The following DAB1 variants were observed in gnomAD, a reference collection of about 807,000 sequenced individuals.
DAB1 encodes the protein disabled homolog 1.
In DAB1, 15 loss-of-function variants were observed where a neutral mutation model predicts 64.6. The observed-to-expected ratio is 0.23, with a 90% CI of 0.16 to 0.36. The LOEUF (loss-of-function observed/expected upper bound fraction) is 0.36. Ranked by LOEUF, DAB1 falls within the 10% of genes least tolerant of loss-of-function variation. The probability of loss-of-function intolerance (pLI) is 1.00; values close to 1 mark genes in which losing one functional copy is unlikely to be tolerated. For synonymous variants in DAB1, 235 were observed against 251.9 expected, an observed-to-expected ratio of 0.93 and a Z score of 0.64; for missense variants, 596 against 706.7, an observed-to-expected ratio of 0.84 and a Z score of 1.78.
At chr1:57,111,995 TCTGC>T (rs1655703525) in intron 4 of DAB1, among the ~76,000 whole-genome samples, 1 of 152,214 alleles carries the variant, frequency 6.6e-6, no homozygotes, top group Non-Finnish European at 1.5e-5. Flanking sequence ...AGTTTCAATG[TCTGC>T]CAAATAAGAA....
At chr1:58,309,775 C>G (rs1662386783) in intron 4 of DAB1, among the ~76,000 whole-genome samples, 1 of 152,028 alleles carries the variant, frequency 6.6e-6, no homozygotes, top group African/African-American at 2.4e-5. Context: ...TTAATAAATG[C>G]TCTAAGCATT....
At chr1:57,720,204 C>CT (rs2101757316) in intron 6 of DAB1, among the ~76,000 whole-genome samples, 1 of 152,348 alleles carries the variant, frequency 6.6e-6, no homozygotes, top group African/African-American at 2.4e-5. Flanking sequence ...CTCCGATGCA[C>CT]TGCACACCAT....
chr1:57,762,266 C>T (rs1649120612), intron 6 of DAB1, among the ~76,000 whole-genome samples: 1 of 151,458 alleles, frequency 6.6e-6, no homozygotes, highest in African/African-American at 2.4e-5. Context: ...AGGCCTGCGT[C>T]CCTTCCAAAA....
At chr1:57,396,204 A>G (rs1196595011) in intron 1 of DAB1, among the ~76,000 whole-genome samples, 2 of 152,186 alleles carry the variant, frequency 1.3e-5, no homozygotes, top group African/African-American at 4.8e-5. Context: ...CACCGAACAC[A>G]TAAAAGGTTT....
At chr1:58,167,346 C>T (rs1179086048) in intron 4 of DAB1, among the ~76,000 whole-genome samples, 1 of 151,924 alleles carries the variant, frequency 6.6e-6, no homozygotes, top group Non-Finnish European at 1.5e-5. Context: ...ATTGTAAATG[C>T]ACCAATCAGC....
chr1:58,145,482 G>A (rs772008283), intron 5 of DAB1, among the ~76,000 whole-genome samples: 9 of 152,216 alleles, frequency 5.9e-5, no homozygotes, highest in Non-Finnish European at 8.8e-5. Context: ...AGAGCACATC[G>A]TCTGGCCCAC....
At chr1:57,122,149 T>C (rs183994875) in intron 4 of DAB1, among the ~76,000 whole-genome samples, 95 of 152,254 alleles carry the variant, frequency 6.2e-4, no homozygotes, top group African/African-American at 2.2e-3. Flanking sequence ...ATGTGTGAAT[T>C]TGAAGAGAGG....
intron 7 of DAB1, among the ~76,000 whole-genome samples, chr1:57,524,865 T>C (rs2101394721): frequency 6.6e-6 from 1 of 151,778 alleles, no homozygotes; most frequent in African/African-American, 2.4e-5. Flanking sequence ...AAAAACAAAA[T>C]AAACAAACAA....
chr1:58,119,217 T>G (rs1246588306), intron 5 of DAB1, among the ~76,000 whole-genome samples: 1 of 77,432 alleles, frequency 1.3e-5, no homozygotes, highest in Non-Finnish European at 2.7e-5. Context: ...AAATATTGTG[T>G]GTGTGTGCGT....
intron 4 of DAB1, among the ~76,000 whole-genome samples, chr1:57,093,642 T>A (rs1653890154): frequency 6.6e-6 from 1 of 152,214 alleles, no homozygotes; most frequent in South Asian, 2.1e-4. Flanking sequence ...TGATGGTGTG[T>A]GAATTCCAGT....
intron 6 of DAB1, among the ~76,000 whole-genome samples, chr1:57,697,662 C>G (rs562390177): frequency 5.3e-5 from 8 of 152,020 alleles, no homozygotes; most frequent in African/African-American, 1.9e-4. Flanking sequence ...TTATGAAATG[C>G]CTTCAGTTTT....
chr1:58,077,154 A>G (rs1649705540), intron 5 of DAB1, among the ~76,000 whole-genome samples: 2 of 152,238 alleles, frequency 1.3e-5, no homozygotes, highest in African/African-American at 4.8e-5. Context: ...AATAACAATG[A>G]TAATGATAAT....
At chr1:57,427,473 G>C (rs1685333679), upstream of DAB1, among the ~76,000 whole-genome samples, 1 of 152,176 alleles carries the variant, frequency 6.6e-6, no homozygotes, top group Non-Finnish European at 1.5e-5. Context: ...ACTCAAAGGA[G>C]CAGCCTATGT....
chr1:57,138,799 T>C (rs1045187315), intron 3 of DAB1, among the ~76,000 whole-genome samples: 13 of 152,182 alleles, frequency 8.5e-5, no homozygotes, highest in Non-Finnish European at 1.8e-4. Context: ...TCTCCTTTGT[T>C]TTTCCTGCTT....
At chr1:57,901,525 C>T (rs1053318107) in intron 5 of DAB1, among the ~76,000 whole-genome samples, 18 of 152,114 alleles carry the variant, frequency 1.2e-4, no homozygotes, top group Non-Finnish European at 4.4e-5. Context: ...ATAATAGCCC[C>T]TCTCACTGCT....
At chr1:57,114,350 T>C (rs1214696039) in intron 4 of DAB1, among the ~76,000 whole-genome samples, 1 of 152,196 alleles carries the variant, frequency 6.6e-6, no homozygotes, top group Non-Finnish European at 1.5e-5. Flanking sequence ...GTTCAGTTAC[T>C]ATAATTTAAT....
chr1:57,161,390 C>G (rs2100886001), intron 2 of DAB1, among the ~76,000 whole-genome samples: 1 of 152,278 alleles, frequency 6.6e-6, no homozygotes, highest in East Asian at 1.9e-4. Flanking sequence ...TGTTTGCCAG[C>G]CATCCTGGGC....
At chr1:57,969,281 T>C (rs1021858475) in intron 5 of DAB1, among the ~76,000 whole-genome samples, 4 of 152,160 alleles carry the variant, frequency 2.6e-5, no homozygotes, top group Admixed American at 2.0e-4. Flanking sequence ...TTTACACTTT[T>C]CAAATGTACT....
intron 6 of DAB1, among the ~76,000 whole-genome samples, chr1:57,770,650 G>A (rs1649518006): frequency 6.6e-6 from 1 of 152,038 alleles, no homozygotes; most frequent in Admixed American, 6.6e-5. Flanking sequence ...TCAAAAATCA[G>A]TTCAGGAATT....
Sources: gnomAD v4.1 joint callset for allele counts (sites outside exome capture counted in the v4.1 genomes callset) on GRCh38, gnomAD v4.1.1 for gene constraint, MANE v1.5 for transcripts, NCBI Gene and HGNC (gene_info 2026-07-23, HGNC 2026-07-21) for gene names.